The following ADAMTS20 variants were observed in gnomAD, a reference collection of about 807,000 sequenced individuals.
The protein encoded by ADAMTS20 is ADAM metallopeptidase with thrombospondin type 1 motif 20.
ADAMTS20 carries 225 observed loss-of-function variants against 260.1 expected under a neutral mutation model. The ratio of observed to expected loss-of-function variants is 0.87; its 90% CI spans 0.78 to 0.97. The LOEUF (loss-of-function observed/expected upper bound fraction) is 0.97, where lower values mean the gene tolerates loss of function less well. Ranked by LOEUF, ADAMTS20 falls within the 50% of genes least tolerant of loss-of-function variation. ADAMTS20 has a pLI of 0.00. For synonymous variants in ADAMTS20, 802 were observed against 769.5 expected (o/e 1.04, Z -0.70); for missense variants, 2,400 against 2,337.7 (o/e 1.03, Z -0.55).
chr12:43,364,246 G>A (rs1289920447), intron 37 of ADAMTS20, among the ~76,000 whole-genome samples: 3 of 152,072 alleles, frequency 2.0e-5, no homozygotes, highest in African/African-American at 7.2e-5. Context: ...AGCCTCAAAA[G>A]GGAGGGTGAA....
chr12:43,384,380 C>A (rs2137228331), intron 29 of ADAMTS20, among the ~76,000 whole-genome samples: 1 of 152,242 alleles, frequency 6.6e-6, no homozygotes, highest in Middle Eastern at 3.4e-3. Context: ...ACAATAATTT[C>A]CAAGATTGTG....
intron 2 of ADAMTS20, among the ~76,000 whole-genome samples, chr12:43,537,979 G>A (rs187105765): frequency 6.7e-4 from 102 of 152,302 alleles, no homozygotes; most frequent in Non-Finnish European, 3.4e-4. Flanking sequence ...AACAAACAGT[G>A]GGAGTACAGA....
intron 37 of ADAMTS20, among the ~76,000 whole-genome samples, chr12:43,369,060 G>T: frequency 6.6e-6 from 1 of 152,036 alleles, no homozygotes; most frequent in East Asian, 1.9e-4. Context: ...TATGGAAGAA[G>T]AAATAGAATC....
intron 2 of ADAMTS20, among the ~76,000 whole-genome samples, chr12:43,535,932 G>T (rs551103601): frequency 6.6e-6 from 1 of 152,044 alleles, no homozygotes; most frequent in Non-Finnish European, 1.5e-5. Context: ...ACAAGGACTT[G>T]CACTCTGTTG....
chr12:43,439,520 G>T, intron 18 of ADAMTS20, 102 bp downstream of exon 18: 1 of 1,363,480 alleles, frequency 7.3e-7, no homozygotes, highest in Non-Finnish European at 1.0e-6. Context: ...ATATGTGTAT[G>T]GACAGTGGGG....
chr12:43,431,660 G>T (rs543782751), intron 21 of ADAMTS20, among the ~76,000 whole-genome samples, 164 bp from the exon 22 acceptor site: 14 of 152,162 alleles, frequency 9.2e-5, no homozygotes, highest in African/African-American at 3.1e-4. Context: ...AAATCAGCCT[G>T]CCCCTAACTT....
At chr12:43,537,104 T>C (rs530138259) in intron 2 of ADAMTS20, among the ~76,000 whole-genome samples, 4 of 152,302 alleles carry the variant, frequency 2.6e-5, no homozygotes, top group South Asian at 2.1e-4. Flanking sequence ...TATTTATTTA[T>C]TGTTACCAAG....
intron 18 of ADAMTS20, 73 bp downstream of exon 18, chr12:43,439,549 A>G (rs1941619243): frequency 2.0e-6 from 3 of 1,531,232 alleles, no homozygotes; most frequent in Admixed American, 4.2e-5. Context: ...ATAGGCAGCC[A>G]AGACTCAAAA....
intron 4 of ADAMTS20, among the ~76,000 whole-genome samples, chr12:43,499,566 A>G (rs920267890): frequency 1.3e-5 from 2 of 149,958 alleles, no homozygotes; most frequent in Non-Finnish European, 3.0e-5. Context: ...TCGGCTGGGA[A>G]CCGAGATTCC....
intron 7 of ADAMTS20, among the ~76,000 whole-genome samples, chr12:43,481,982 C>A (rs961003246): frequency 3.9e-5 from 6 of 152,176 alleles, no homozygotes; most frequent in Admixed American, 1.3e-4. Flanking sequence ...GTGACACACA[C>A]TCCCACTGGG....
At chr12:43,488,623 G>A (rs73085546) in intron 7 of ADAMTS20, among the ~76,000 whole-genome samples, 3,510 of 152,176 alleles carry the variant, frequency 0.023, 55 homozygotes, top group Non-Finnish European at 0.032. Flanking sequence ...TACTAGCTTT[G>A]TACAATATTA....
intron 3 of ADAMTS20, among the ~76,000 whole-genome samples, chr12:43,526,486 T>G (rs538452634): frequency 2.0e-4 from 30 of 152,064 alleles, no homozygotes; most frequent in African/African-American, 7.0e-4. Flanking sequence ...ATATCAAATA[T>G]CTTCTCAGAC....
chr12:43,461,779 C>T (rs564723765), intron 11 of ADAMTS20, among the ~76,000 whole-genome samples: 3 of 151,696 alleles, frequency 2.0e-5, no homozygotes, highest in Admixed American at 6.6e-5. Context: ...TCACAGGAAC[C>T]GAGAAAAAAA....
At chr12:43,515,115 A>T (rs966841160) in intron 3 of ADAMTS20, among the ~76,000 whole-genome samples, 1 of 152,220 alleles carries the variant, frequency 6.6e-6, no homozygotes, top group Non-Finnish European at 1.5e-5. Context: ...TCTGAGCTAG[A>T]TCAACCACAA....
chr12:43,375,477 C>T lies in ADAMTS20; in HGVS notation c.5348G>A (p.Ser1783Asn). 1 of 1,613,134 alleles carries T rather than the reference C, an allele frequency of 6.2e-7. No individual in the cohort carries two copies. The highest frequency in any genetic ancestry group is 8.5e-7 in the Non-Finnish European group (1 of 1,179,238). Residue 1783 changes from serine to asparagine, a missense_variant, in exon 36 of 39, where the codon AGT (serine) becomes AAT (asparagine). By Grantham distance (46) the Ser-to-Asn change is conservative. Transcript: ENST00000389420. ...KNPYQCPFNG[S>N]RREDCECDNG... is the part of the protein sequence containing the mutation. ...GTCACATTCACAGTCTTCCCTTCTA[C>T]TCCCATTAAAAGGACATTGATATGG...
chr12:43,416,241 A>C (rs1200914640), intron 28 of ADAMTS20, among the ~76,000 whole-genome samples: 1 of 151,882 alleles, frequency 6.6e-6, no homozygotes, highest in African/African-American at 2.4e-5. Context: ...CTTTTGGAAC[A>C]TTCCCTCCTT....
chr12:43,478,007 C>G (rs1477465238), intron 7 of ADAMTS20, among the ~76,000 whole-genome samples: 1 of 151,904 alleles, frequency 6.6e-6, no homozygotes, highest in Non-Finnish European at 1.5e-5. Context: ...AAATCAAAGA[C>G]CATCAAACAA....
At chr12:43,461,350 T>C (rs1166720888) in intron 11 of ADAMTS20, among the ~76,000 whole-genome samples, 4 of 152,096 alleles carry the variant, frequency 2.6e-5, no homozygotes, top group African/African-American at 9.7e-5. Context: ...GTTGGCTGTA[T>C]GTGCATCCAC....
rs756621532 is a variant in ADAMTS20 at position 43,502,291 on chromosome 12, T to C, written c.728A>G (p.Lys243Arg). 5.0e-6 allele frequency: 8 copies of C among 1,612,190 alleles called. No individual in the cohort carries two copies. The East Asian group carries it at 1.8e-4, about 36-fold the overall frequency. The change falls in exon 4 of 39, where the codon AAA becomes AGA. Residue 243 changes from lysine to arginine, a missense_variant. By Grantham distance (26) the Lys-to-Arg change is conservative. Coordinates refer to ENST00000389420, the MANE Select transcript of ADAMTS20 (RefSeq NM_025003.5). ...LGHTSKNVPL[K>R]DERRHSRKKR... Reference sequence around the variant, plus strand: ...TTTCCTGGAATGTCTTCTTTCATCTTTCAATGGTACATTTTTTGATGTGTG... The same window carrying C: ...TTTCCTGGAATGTCTTCTTTCATCTCTCAATGGTACATTTTTTGATGTGTG...
Sources: allele counts gnomAD v4.1 joint callset (sites outside exome capture counted in the v4.1 genomes callset), GRCh38; gene constraint gnomAD v4.1.1; transcripts MANE v1.5; gene names NCBI Gene and HGNC (gene_info 2026-07-23, HGNC 2026-07-21).